The following VPS13B variants were observed in gnomAD, a reference collection of about 807,000 sequenced individuals.
VPS13B encodes the protein vacuolar protein sorting 13 homolog B.
VPS13B carries 285 observed loss-of-function variants against 426.4 expected under a neutral mutation model. The observed-to-expected ratio is 0.67, with a 90% confidence interval of 0.61 to 0.74. The LOEUF (loss-of-function observed/expected upper bound fraction) is 0.74. Ranked by LOEUF, VPS13B falls within the 30% of genes least tolerant of loss-of-function variation. The pLI is 0.00. For missense variants in VPS13B, 4,537 were observed against 4,782.6 expected (o/e 0.95, Z 1.51); for synonymous variants, 1,676 against 1,676.4 (o/e 1.00, Z 0.01).
intron 19 of VPS13B, among the ~76,000 whole-genome samples, chr8:99,279,834 A>G (rs956909227): frequency 2.6e-5 from 4 of 152,028 alleles, no homozygotes; most frequent in African/African-American, 9.7e-5. Context: ...CAGTGGCGCG[A>G]TCTTGGCTCA....
chr8:99,338,402 C>G (rs1811050763), intron 19 of VPS13B, among the ~76,000 whole-genome samples: 1 of 151,702 alleles, frequency 6.6e-6, no homozygotes, highest in Non-Finnish European at 1.5e-5. Flanking sequence ...GTACTACATT[C>G]CATTTTATTC....
At chr8:99,312,562 T>G (rs991657870) in intron 19 of VPS13B, among the ~76,000 whole-genome samples, 1 of 152,230 alleles carries the variant, frequency 6.6e-6, no homozygotes, top group African/African-American at 2.4e-5. Context: ...GGGCTTCCCT[T>G]TGTGGGTAAC....
chr8:99,094,844 G>A (rs756539055), intron 3 of VPS13B, among the ~76,000 whole-genome samples: 3 of 152,064 alleles, frequency 2.0e-5, no homozygotes, highest in Non-Finnish European at 4.4e-5. Context: ...TTATAAAATA[G>A]TGTTATTATT....
chr8:99,854,273 AG>A lies in VPS13B; in HGVS notation c.10867+20del, dbSNP rs769922921. The A allele has an allele frequency of 9.9e-6, 16 of 1,611,014 alleles. No homozygotes were observed. The East Asian group carries it at 3.6e-4, about 36-fold the overall frequency. On this transcript the variant is annotated intron_variant, in intron 56 of 61. Coordinates refer to ENST00000357162, the MANE Select transcript of VPS13B (RefSeq NM_152564.5). The stretch of plus-strand genomic sequence containing the variant: ...TTAGAGCAGGTAAGAACACAAGCTG[AG>A]GGTCTGTGATGAGCTAGAGCCCGGG...
At chr8:99,715,494 A>C (rs1214039181) in intron 36 of VPS13B, among the ~76,000 whole-genome samples, 6 of 152,214 alleles carry the variant, frequency 3.9e-5, no homozygotes, top group Non-Finnish European at 4.4e-5. Flanking sequence ...AATTTGTCAA[A>C]GGAAATAAGA....
At position 99,875,950 on chromosome 8, in the gene VPS13B, A is replaced by ATACT. The variant is rs967791352; in HGVS notation, c.*286_*289dup. ...TTATTTACATCCTTACCTCTAAAAGATACTTCAAAGTGACAAAAACGTGTT... is the reference window on the plus strand; with the variant it reads ...TTATTTACATCCTTACCTCTAAAAGATACTTACTTCAAAGTGACAAAAACGTGTT... On this transcript the variant is annotated 3_prime_UTR_variant, in exon 62 of 62. Transcript: ENST00000357162. 27 of 453,238 alleles carry ATACT rather than the reference A, an allele frequency of 6.0e-5. 1 individual carries two copies. The highest frequency in any genetic ancestry group is 5.3e-4 in the African/African-American group (27 of 50,820). 28.1% of individuals were successfully genotyped at this position (453,238 alleles called of 1,614,324 possible).
Position 99,720,487 on chromosome 8 carries a change from C to T in VPS13B, c.6800C>T (p.Thr2267Ile). The change falls in exon 38 of 62, where the codon ACA (threonine) becomes ATA (isoleucine). Residue 2267 changes from threonine (T) to isoleucine (I), a missense_variant. Thr to Ile is a moderately conservative substitution (Grantham distance 89). Coordinates refer to ENST00000357162, the MANE Select transcript of VPS13B (RefSeq NM_152564.5). ...TCATCTCCTGTGGAAAAGAATCAGA[C>T]ATTTAAAAGTGAACAAAGTTCAGAT... is the stretch of plus-strand genomic sequence containing the variant. ...QMSSPVEKNQ[T>I]FKSEQSSDDL... 1 of 1,613,980 alleles carries T rather than the reference C, an allele frequency of 6.2e-7. No individual in the cohort carries two copies. Among genetic ancestry groups the T allele is most frequent in the South Asian group, 1.1e-5 (1 of 91,082 alleles).
At chr8:99,441,113 A>AT in intron 22 of VPS13B, among the ~76,000 whole-genome samples, 1 of 152,236 alleles carries the variant, frequency 6.6e-6, no homozygotes, top group Admixed American at 6.5e-5. Context: ...GCAGTATAAG[A>AT]TTTTAGAACT....
At chr8:99,429,119 G>C (rs1030816715) in intron 21 of VPS13B, among the ~76,000 whole-genome samples, 2 of 152,040 alleles carry the variant, frequency 1.3e-5, no homozygotes, top group South Asian at 4.1e-4. Flanking sequence ...ATCACACACC[G>C]GGGCCTGTTG....
chr8:99,798,256 G>C (rs1272017557), intron 43 of VPS13B, among the ~76,000 whole-genome samples: 1 of 151,800 alleles, frequency 6.6e-6, no homozygotes, highest in African/African-American at 2.4e-5. Context: ...TAGTCTGTAG[G>C]GATTCCAGGA....
chr8:99,740,942 C>G (rs1468383600), intron 39 of VPS13B, among the ~76,000 whole-genome samples: 1 of 152,106 alleles, frequency 6.6e-6, no homozygotes, highest in African/African-American at 2.4e-5. Flanking sequence ...CAGCTAACAT[C>G]ATAATGACAG....
At chr8:99,424,971 T>C (rs1042691343) in intron 21 of VPS13B, among the ~76,000 whole-genome samples, 1 of 152,052 alleles carries the variant, frequency 6.6e-6, no homozygotes, top group African/African-American at 2.4e-5. Context: ...CTAGAAGAAA[T>C]GGATATATTC....
At chr8:99,819,005 A>T in intron 47 of VPS13B, 117 bp downstream of exon 47, 1 of 975,880 alleles carries the variant, frequency 1.0e-6, no homozygotes, top group Non-Finnish European at 1.6e-6. Context: ...GAGTGGAGGG[A>T]GTTTTTTGTA....
chr8:99,174,227 A>T (rs935922673), intron 16 of VPS13B, among the ~76,000 whole-genome samples: 1 of 152,164 alleles, frequency 6.6e-6, no homozygotes, highest in Non-Finnish European at 1.5e-5. Flanking sequence ...TTATCCATTT[A>T]TCCATTGACA....
At chr8:99,414,240 T>A (rs1345873227) in intron 21 of VPS13B, among the ~76,000 whole-genome samples, 2 of 86,908 alleles carry the variant, frequency 2.3e-5, no homozygotes, top group Non-Finnish European at 4.6e-5. Flanking sequence ...CAACCCCTGC[T>A]TTTTTTTTTT....
intron 21 of VPS13B, among the ~76,000 whole-genome samples, chr8:99,428,455 C>A (rs1563724992): frequency 2.7e-5 from 4 of 150,526 alleles, no homozygotes; most frequent in Admixed American, 6.6e-5. Context: ...AAAACAACCC[C>A]ATCAAAAAGT....
intron 12 of VPS13B, among the ~76,000 whole-genome samples, chr8:99,141,534 A>C (rs1226909386): frequency 6.6e-6 from 1 of 152,160 alleles, no homozygotes; most frequent in African/African-American, 2.4e-5. Flanking sequence ...TTAGCTATGA[A>C]AAGTAATGGT....
At chr8:99,165,455 A>G (rs1161165828) in intron 15 of VPS13B, among the ~76,000 whole-genome samples, 2 of 152,204 alleles carry the variant, frequency 1.3e-5, no homozygotes, top group Non-Finnish European at 2.9e-5. Context: ...TGATATTTGA[A>G]ACATATGTAG....
At chr8:99,563,019 A>C (rs920266973) in intron 31 of VPS13B, among the ~76,000 whole-genome samples, 1 of 152,094 alleles carries the variant, frequency 6.6e-6, no homozygotes, top group Admixed American at 6.6e-5. Context: ...TTTAATTAGC[A>C]GGGCATGGTG....
Sources: gnomAD v4.1 joint callset for allele counts (sites outside exome capture counted in the v4.1 genomes callset) on GRCh38, gnomAD v4.1.1 for gene constraint, MANE v1.5 for transcripts, NCBI Gene and HGNC (gene_info 2026-07-23, HGNC 2026-07-21) for gene names.